The following MTMR6 variants were observed in gnomAD, a reference collection of about 807,000 sequenced individuals.
MTMR6 encodes myotubularin related protein 6, also known as phosphatidylinositol-3,5-bisphosphate 3-phosphatase MTMR6.
A neutral mutation model predicts 80.1 loss-of-function variants in MTMR6; 47 were observed. That is an observed-to-expected ratio of 0.59 (90% CI 0.46 to 0.75). The LOEUF (loss-of-function observed/expected upper bound fraction) is 0.75. Ranked by LOEUF, MTMR6 falls within the 30% of genes least tolerant of loss-of-function variation. The pLI is 0.00. For synonymous variants in MTMR6, 254 were observed against 253.0 expected (o/e 1.00, Z -0.04); for missense variants, 629 against 730.9 (o/e 0.86, Z 1.61).
intron 1 of MTMR6, among the ~76,000 whole-genome samples, chr13:25,275,793 A>T (rs1957707844): frequency 6.8e-6 from 1 of 147,706 alleles, no homozygotes; most frequent in South Asian, 2.2e-4. Flanking sequence ...TCTGGGGGTC[A>T]GAGGTTGCGG....
chr13:25,274,327 T>C, intron 1 of MTMR6, 140 bp from the exon 2 acceptor site: 1 of 560,424 alleles, frequency 1.8e-6, no homozygotes, highest in Non-Finnish European at 3.1e-6. Context: ...TACTGTTAAA[T>C]TCCATATATC....
chr13:25,266,530 A>G (rs187860731), intron 3 of MTMR6, among the ~76,000 whole-genome samples: 1 of 152,326 alleles, frequency 6.6e-6, no homozygotes, highest in Non-Finnish European at 1.5e-5. Flanking sequence ...GAATAGTTAG[A>G]CTTACATGTT....
intron 1 of MTMR6, among the ~76,000 whole-genome samples, chr13:25,276,106 T>C (rs138235003): frequency 1.1e-4 from 17 of 152,290 alleles, no homozygotes; most frequent in Non-Finnish European, 1.5e-4. Flanking sequence ...CTCCTCTTCA[T>C]TGTGCGTGAC....
In MTMR6 at chr13:25,254,538, T is replaced by C. The variant is rs1320845554; in HGVS notation, c.1096-104A>G. 5.1e-6 allele frequency: 4 copies of C among 779,214 alleles called. No individual in the cohort carries two copies. The African/African-American group carries it at 7.3e-5, about 14-fold the overall frequency. 48.3% of individuals were successfully genotyped at this position (779,214 alleles called of 1,614,324 possible). On this transcript the variant is annotated intron_variant, in intron 9 of 13. Transcript: ENST00000381801. ...AAAAACAGTATTTACTGTACACTTT[T>C]AACTTATAAACAAAACAGCACAAAA...
At chr13:25,259,182 T>C (rs536052734) in intron 6 of MTMR6, among the ~76,000 whole-genome samples, 1 of 152,154 alleles carries the variant, frequency 6.6e-6, no homozygotes, top group Admixed American at 6.5e-5. Flanking sequence ...TGAGGGAGAT[T>C]ATATGAGAGA....
intron 2 of MTMR6, among the ~76,000 whole-genome samples, chr13:25,272,159 C>T (rs1011015415): frequency 2.6e-5 from 4 of 152,182 alleles, no homozygotes; most frequent in Non-Finnish European, 5.9e-5. Context: ...CAAAATATTT[C>T]CCAGATGTAT....
intron 1 of MTMR6, among the ~76,000 whole-genome samples, chr13:25,281,898 G>A (rs1255879921): frequency 2.0e-5 from 3 of 152,128 alleles, no homozygotes; most frequent in Non-Finnish European, 2.9e-5. Flanking sequence ...AGGGGAGAGA[G>A]TAACCTCAGA....
At chr13:25,252,080 C>T (rs1290184837) in intron 11 of MTMR6, 96 bp from the exon 12 acceptor site, 1 of 1,384,120 alleles carries the variant, frequency 7.2e-7, no homozygotes, top group East Asian at 2.3e-5. Flanking sequence ...GCTTCCGAAG[C>T]AGATTTAAAT....
rs1290498460 is a variant in MTMR6 at position 25,267,762 on chromosome 13, G to T, written c.304+17C>A. The T allele has an allele frequency of 6.2e-7, 1 of 1,602,688 alleles. No homozygotes were observed. The highest frequency in any genetic ancestry group is 8.5e-7 in the Non-Finnish European group (1 of 1,173,524). On this transcript the variant is annotated intron_variant, in intron 3 of 13. Coordinates refer to ENST00000381801, the MANE Select transcript of MTMR6 (RefSeq NM_004685.5). ...TCTCAAATTGAGCATGTAAGCTTTG[G>T]TCTCTAAGAACAATACCTTGTTTTG... is the stretch of plus-strand genomic sequence containing the variant.
chr13:25,247,008 T>C lies in MTMR6; in HGVS notation c.*2224A>G, dbSNP rs1294416503. On this transcript the variant is annotated 3_prime_UTR_variant, in exon 14 of 14. Transcript: ENST00000381801. ...AAATAGTGATTGTAATATAAGCAAG[T>C]GACAGGAACAAAATGAAAACTTAAT... 6.6e-6 allele frequency: 1 copy of C among 152,212 alleles called. No individual in the cohort carries two copies. The highest frequency in any genetic ancestry group is 1.5e-5 in the Non-Finnish European group (1 of 68,022). The allele number at this position is 152,212 out of a possible 1,614,324, so 9.4% of individuals were successfully genotyped here.
Position 25,261,770 on chromosome 13 carries a change from A to G in MTMR6, c.624T>C (p.Ser208=), listed in dbSNP as rs758680578. ...CCTCCAGGCACCTGGCACTGAATCC[A>G]GAGAGTGGCTGACTACATCGACAAA... is the stretch of plus-strand genomic sequence containing the variant. ...AAICRCSQPL[S]GFSARCLEDE... Residue 208 remains serine, a synonymous_variant, in exon 6 of 14, where the codon TCT becomes TCC. Transcript: ENST00000381801. 1 of 1,613,802 alleles carries G rather than the reference A, an allele frequency of 6.2e-7. No homozygotes were observed. The highest frequency in any genetic ancestry group is 8.5e-7 in the Non-Finnish European group (1 of 1,179,780).
chr13:25,277,448 G>A (rs577083445), intron 1 of MTMR6, among the ~76,000 whole-genome samples: 2 of 152,186 alleles, frequency 1.3e-5, no homozygotes, highest in Non-Finnish European at 2.9e-5. Context: ...ATAAATGTTT[G>A]TTGAACTAAG....
intron 13 of MTMR6, 139 bp from the exon 14 acceptor site, chr13:25,249,631 T>A: frequency 1.2e-6 from 1 of 839,124 alleles, no homozygotes. Flanking sequence ...TAGAAACATT[T>A]AATGCATATG....
intron 9 of MTMR6, among the ~76,000 whole-genome samples, chr13:25,255,531 C>CT (rs929864230): frequency 1.4e-4 from 21 of 149,296 alleles, no homozygotes; most frequent in Non-Finnish European, 2.1e-4. Flanking sequence ...ACTCTACTTT[C>CT]TTTTTTTTTT....
chr13:25,258,129 C>T (rs188705905), intron 7 of MTMR6, among the ~76,000 whole-genome samples: 2 of 152,240 alleles, frequency 1.3e-5, no homozygotes, highest in African/African-American at 2.4e-5. Flanking sequence ...TATACTATGA[C>T]TGGAATATTT....
intron 1 of MTMR6, among the ~76,000 whole-genome samples, chr13:25,280,891 T>TTAAA (rs1957827832): frequency 6.6e-6 from 1 of 152,228 alleles, no homozygotes; most frequent in African/African-American, 2.4e-5. Context: ...TTAAGGACTA[T>TTAAA]TTAGTTGAAT....
At chr13:25,254,523 T>A in intron 9 of MTMR6, 89 bp from the exon 10 acceptor site, 1 of 863,182 alleles carries the variant, frequency 1.2e-6, no homozygotes, top group Non-Finnish European at 1.8e-6. Flanking sequence ...AAAAACAGTA[T>A]TTACTGTACA....
chr13:25,258,786 G>C (rs1370819346), intron 6 of MTMR6, 94 bp from the exon 7 acceptor site: 1 of 1,164,852 alleles, frequency 8.6e-7, no homozygotes, highest in Non-Finnish European at 1.1e-6. Context: ...TTTTAGCTAG[G>C]AGGCAGTTTA....
intron 5 of MTMR6, among the ~76,000 whole-genome samples, chr13:25,263,114 T>G (rs1014081344): frequency 6.6e-6 from 1 of 152,118 alleles, no homozygotes; most frequent in Non-Finnish European, 1.5e-5. Flanking sequence ...AAAAAAGACA[T>G]AGAGATGTCA....
Sources: allele counts gnomAD v4.1 joint callset (sites outside exome capture counted in the v4.1 genomes callset), GRCh38; gene constraint gnomAD v4.1.1; transcripts MANE v1.5; gene names NCBI Gene and HGNC (gene_info 2026-07-23, HGNC 2026-07-21).